Variants in IGF1R observed in about 807,000 individuals in gnomAD.
IGF1R encodes insulin like growth factor 1 receptor, also known as insulin-like growth factor 1 receptor.
A neutral mutation model predicts 144.6 loss-of-function variants in IGF1R; 44 were observed. The ratio of observed to expected loss-of-function variants is 0.30; its 90% CI spans 0.24 to 0.39. The LOEUF (loss-of-function observed/expected upper bound fraction) is 0.39. IGF1R is among the 10% of genes least tolerant of loss of function. IGF1R has a pLI of 1.00. For synonymous variants in IGF1R, 795 were observed against 722.8 expected (o/e 1.10, Z -1.60); for missense variants, 1,355 against 1,833.7 (o/e 0.74, Z 4.77).
At chr15:98,663,765 C>T (rs1396662216) in intron 1 of IGF1R, among the ~76,000 whole-genome samples, 1 of 152,200 alleles carries the variant, frequency 6.6e-6, no homozygotes, top group Non-Finnish European at 1.5e-5. Flanking sequence ...AGGGCGGTGG[C>T]CCCCGCTACC....
chr15:98,768,718 G>C (rs1191368514), intron 2 of IGF1R, among the ~76,000 whole-genome samples: 4 of 125,972 alleles, frequency 3.2e-5, no homozygotes, highest in Admixed American at 3.0e-4. Flanking sequence ...AGGAGTTCGA[G>C]ACCATCCTGG....
chr15:98,838,290 A>C (rs565913574), intron 2 of IGF1R, among the ~76,000 whole-genome samples: 1 of 152,222 alleles, frequency 6.6e-6, no homozygotes, highest in Non-Finnish European at 1.5e-5. Context: ...AACTATGTTT[A>C]GAAAGATAAA....
intron 2 of IGF1R, among the ~76,000 whole-genome samples, chr15:98,830,738 G>C (rs1197479216): frequency 6.6e-6 from 1 of 151,950 alleles, no homozygotes; most frequent in Non-Finnish European, 1.5e-5. Context: ...CAAGTAGCTA[G>C]GATTACAGGT....
At chr15:98,816,377 C>G (rs1175308463) in intron 2 of IGF1R, among the ~76,000 whole-genome samples, 1 of 152,196 alleles carries the variant, frequency 6.6e-6, no homozygotes, top group Non-Finnish European at 1.5e-5. Flanking sequence ...CCATATGTGT[C>G]CAGATCCCCC....
At chr15:98,798,365 A>G (rs961073756) in intron 2 of IGF1R, among the ~76,000 whole-genome samples, 2 of 152,084 alleles carry the variant, frequency 1.3e-5, no homozygotes, top group African/African-American at 4.8e-5. Flanking sequence ...GATGGGGTAA[A>G]CTGAGTCAGT....
At chr15:98,783,638 C>A (rs934916724) in intron 2 of IGF1R, among the ~76,000 whole-genome samples, 5 of 152,164 alleles carry the variant, frequency 3.3e-5, no homozygotes, top group Admixed American at 6.5e-5. Flanking sequence ...GGTAGAGTTA[C>A]ACCCTAAGTA....
rs74032523 is a variant in IGF1R at position 98,688,933 on chromosome 15, G to A, written c.95-18629G>A. ...TTCATCAGTATATGCATGTGGATGGGTTCTCAGATGGCCTGATGTTTCTCC... is the reference window on the plus strand; with the variant it reads ...TTCATCAGTATATGCATGTGGATGGATTCTCAGATGGCCTGATGTTTCTCC... On this transcript the variant is annotated intron_variant, in intron 1 of 20. Transcript: ENST00000650285. 9.9e-3 allele frequency among the ~76,000 whole-genome samples: 1,501 copies of A among 152,238 alleles called. 20 individuals are homozygous for A. Among genetic ancestry groups the A allele is most frequent in the African/African-American group, 0.034 (1,429 of 41,524 alleles).
rs1052162963 is a variant in IGF1R at position 98,649,521 on chromosome 15, T to A, written c.-61T>A. Reference sequence around the variant, plus strand: ...CCTTTCATTTCCTTTTTTTCTTTTCTTTTCTTTTTTTTTTTTTTTTTTTTT... The same window carrying A: ...CCTTTCATTTCCTTTTTTTCTTTTCATTTCTTTTTTTTTTTTTTTTTTTTT... On this transcript the variant is annotated 5_prime_UTR_variant, in exon 1 of 21. Coordinates refer to ENST00000650285, the MANE Select transcript of IGF1R (RefSeq NM_000875.5). The A allele has an allele frequency of 2.5e-4, 239 of 940,118 alleles. No homozygotes were observed. The highest frequency in any genetic ancestry group is 3.6e-4 in the Non-Finnish European group (228 of 636,984). The allele number at this position is 940,118 out of a possible 1,614,324, so 58.2% of individuals were successfully genotyped here. A position where few individuals can be genotyped will look rare whatever the true frequency, so the allele number is the denominator to read the frequency against.
At chr15:98,732,851 G>A (rs1308461984) in intron 2 of IGF1R, among the ~76,000 whole-genome samples, 2 of 152,112 alleles carry the variant, frequency 1.3e-5, no homozygotes, top group African/African-American at 4.8e-5. Flanking sequence ...CTGCAGAGAG[G>A]GAGATCCTGG....
chr15:98,939,426 A>T lies in IGF1R; in HGVS notation c.3457+66A>T, dbSNP rs559352326. ...CAGGTGTTTTGAGGACTTTGTTGGCATTAGTCTGCCCCTGGAGAGGTTTTC... is the reference window on the plus strand; with the variant it reads ...CAGGTGTTTTGAGGACTTTGTTGGCTTTAGTCTGCCCCTGGAGAGGTTTTC... On this transcript the variant is annotated intron_variant, in intron 18 of 20. Transcript: ENST00000650285. 2.3e-4 allele frequency: 350 copies of T among 1,509,234 alleles called. No homozygotes were observed. The African/African-American group carries it at 4.5e-3, about 19-fold the overall frequency. The allele number at this position is 1,509,234 out of a possible 1,614,324, so 93.5% of individuals were successfully genotyped here.
At chr15:98,778,013 T>C (rs2055762030) in intron 2 of IGF1R, among the ~76,000 whole-genome samples, 1 of 152,230 alleles carries the variant, frequency 6.6e-6, no homozygotes, top group Non-Finnish European at 1.5e-5. Context: ...ATTGAGCACC[T>C]ACTGCATGAC....
At chr15:98,902,139 G>A (rs960309685) in intron 5 of IGF1R, among the ~76,000 whole-genome samples, 2 of 152,098 alleles carry the variant, frequency 1.3e-5, no homozygotes, top group African/African-American at 4.8e-5. Flanking sequence ...CAGGGGTGGA[G>A]TTGAGAAATC....
chr15:98,745,427 G>A (rs1389871397), intron 2 of IGF1R, among the ~76,000 whole-genome samples: 1 of 152,232 alleles, frequency 6.6e-6, no homozygotes, highest in South Asian at 2.1e-4. Context: ...GAGACAGAAA[G>A]CCGGTGGCCC....
intron 2 of IGF1R, among the ~76,000 whole-genome samples, chr15:98,712,868 C>T (rs1003720444): frequency 9.3e-5 from 14 of 150,226 alleles, no homozygotes; most frequent in African/African-American, 3.4e-4. Flanking sequence ...TCTTGGCCTC[C>T]CAATGTGCTG....
rs1748811608 is a variant in IGF1R, at chr15:98,963,856, C to T, written c.*6414C>T. On this transcript the variant is annotated 3_prime_UTR_variant, in exon 21 of 21. Coordinates refer to ENST00000650285, the MANE Select transcript of IGF1R (RefSeq NM_000875.5). The stretch of plus-strand genomic sequence containing the variant: ...ATTGGTTTTAAAGTTGACTCCACTT[C>T]CTCTAACTCCAGTGGATTGTTGGCC... The T allele has an allele frequency of 4.3e-6, 1 of 233,056 alleles. No individual in the cohort carries two copies. The highest frequency in any genetic ancestry group is 1.8e-4 in the South Asian group (1 of 5,530). The allele number at this position is 233,056 out of a possible 1,614,324, so 14.4% of individuals were successfully genotyped here.
At chr15:98,697,623 T>C (rs1009385279) in intron 1 of IGF1R, among the ~76,000 whole-genome samples, 4 of 151,080 alleles carry the variant, frequency 2.6e-5, no homozygotes, top group African/African-American at 9.7e-5. Flanking sequence ...TTCTCGGTGG[T>C]GGACGGGCTG....
chr15:98,924,789 GA>G, intron 13 of IGF1R, 105 bp downstream of exon 13: 1 of 1,055,014 alleles, frequency 9.5e-7, no homozygotes, highest in Admixed American at 1.9e-5. Context: ...TGTTAAAATG[GA>G]GTTGGCCAGC....
intron 1 of IGF1R, 112 bp downstream of exon 1, chr15:98,649,787 C>T (rs993283878): frequency 9.0e-6 from 7 of 774,604 alleles, no homozygotes; most frequent in African/African-American, 1.8e-5. Context: ...CCCCCGGGCT[C>T]GGGAGCGGCG....
At chr15:98,843,435 G>A (rs1177495527) in intron 2 of IGF1R, among the ~76,000 whole-genome samples, 1 of 152,106 alleles carries the variant, frequency 6.6e-6, no homozygotes, top group Admixed American at 6.6e-5. Context: ...TTCTGGTCGT[G>A]TTTCTACTTC....
Sources: allele counts gnomAD v4.1 joint callset (sites outside exome capture counted in the v4.1 genomes callset), GRCh38; gene constraint gnomAD v4.1.1; transcripts MANE v1.5; gene names NCBI Gene and HGNC (gene_info 2026-07-23, HGNC 2026-07-21).